The following DPP10 variants were observed in gnomAD, a reference collection of about 807,000 sequenced individuals.
The protein encoded by DPP10 is dipeptidyl peptidase like 10.
DPP10 carries 33 observed loss-of-function variants against 120.9 expected under a neutral mutation model. That is an observed-to-expected ratio of 0.27 (90% confidence interval 0.21 to 0.37). DPP10 has a LOEUF of 0.37. DPP10 is among the 10% of genes least tolerant of loss of function. DPP10 has a pLI of 1.00. For missense variants in DPP10, 816 were observed against 942.8 expected, an observed-to-expected ratio of 0.87 and a Z score of 1.76; for synonymous variants, 337 against 326.1, an observed-to-expected ratio of 1.03 and a Z score of -0.36.
intron 3 of DPP10, among the ~76,000 whole-genome samples, chr2:115,394,637 C>A (rs2067553440): frequency 6.6e-6 from 1 of 151,982 alleles, no homozygotes; most frequent in Non-Finnish European, 1.5e-5. Flanking sequence ...ATCAAAATAG[C>A]CCATATCAGA....
chr2:115,742,625 A>C (rs2149702632), intron 9 of DPP10, among the ~76,000 whole-genome samples: 1 of 152,218 alleles, frequency 6.6e-6, no homozygotes, highest in South Asian at 2.1e-4. Context: ...AACAAATTTC[A>C]GTATCATTTT....
intron 1 of DPP10, among the ~76,000 whole-genome samples, chr2:114,855,954 A>AG (rs1174833878): frequency 6.6e-6 from 1 of 151,908 alleles, no homozygotes; most frequent in Non-Finnish European, 1.5e-5. Flanking sequence ...AGGCTAAAAA[A>AG]AAAAAGCCAC....
At chr2:115,670,586 G>A (rs1466058893) in intron 5 of DPP10, among the ~76,000 whole-genome samples, 1 of 152,104 alleles carries the variant, frequency 6.6e-6, no homozygotes, top group African/African-American at 2.4e-5. Flanking sequence ...ACTACGTTTA[G>A]AATCTTCTTT....
intron 1 of DPP10, among the ~76,000 whole-genome samples, chr2:114,890,658 C>T (rs1329679834): frequency 2.6e-5 from 4 of 152,180 alleles, no homozygotes; most frequent in Non-Finnish European, 4.4e-5. Context: ...ATTCCTGAAG[C>T]ATGTATTGAA....
chr2:115,363,789 G>C (rs1393899336), intron 3 of DPP10, among the ~76,000 whole-genome samples: 1 of 152,062 alleles, frequency 6.6e-6, no homozygotes, highest in Non-Finnish European at 1.5e-5. Context: ...GTATTTCTGG[G>C]CATTAGTTTT....
intron 2 of DPP10, among the ~76,000 whole-genome samples, chr2:115,336,801 A>G (rs1475391363): frequency 1.3e-5 from 2 of 152,038 alleles, no homozygotes; most frequent in Non-Finnish European, 2.9e-5. Context: ...ATTTTGAAAG[A>G]GTGTCTCAAA....
chr2:114,813,619 G>A (rs1432579154), intron 1 of DPP10, among the ~76,000 whole-genome samples: 1 of 152,110 alleles, frequency 6.6e-6, no homozygotes, highest in Non-Finnish European at 1.5e-5. Flanking sequence ...GAGTCTTTGT[G>A]AGAGGCACAG....
At chr2:115,301,430 C>T (rs1221403436) in intron 1 of DPP10, among the ~76,000 whole-genome samples, 2 of 151,222 alleles carry the variant, frequency 1.3e-5, no homozygotes, top group East Asian at 2.0e-4. Context: ...CCACTGCCCT[C>T]CTTCCTTCCT....
chr2:115,406,345 C>CT (rs754254904), intron 3 of DPP10, among the ~76,000 whole-genome samples: 13 of 152,318 alleles, frequency 8.5e-5, no homozygotes, highest in South Asian at 2.1e-4. Context: ...GAACCAATCT[C>CT]TAAGAAGTTT....
rs181854684 is a variant in DPP10 at position 115,641,566 on chromosome 2, C to T, written c.442-48121C>T. Among the ~76,000 whole-genome samples the T allele has an allele frequency of 3.7e-4, 57 of 152,192 alleles. 1 individual carries two copies. Among genetic ancestry groups the T allele is most frequent in the Admixed American group, 1.4e-3 (21 of 15,272 alleles). The stretch of plus-strand genomic sequence containing the variant: ...GTATCCTGTTTAGTCTTTTTATTAC[C>T]GTACTTATCACTGTCTGAAGTTATC... On this transcript the variant is annotated intron_variant, in intron 5 of 25. Transcript: ENST00000410059.
At chr2:114,975,700 G>A (rs1699710525) in intron 1 of DPP10, among the ~76,000 whole-genome samples, 1 of 151,938 alleles carries the variant, frequency 6.6e-6, no homozygotes, top group Non-Finnish European at 1.5e-5. Context: ...ACACAGGCTG[G>A]AGTGCAGTGG....
chr2:114,993,804 C>T (rs1050904921), intron 1 of DPP10, among the ~76,000 whole-genome samples: 4 of 151,916 alleles, frequency 2.6e-5, no homozygotes, highest in African/African-American at 7.2e-5. Context: ...TGTGTGCACA[C>T]GAGTCTACAT....
chr2:115,187,171 C>G (rs7591090), intron 1 of DPP10, among the ~76,000 whole-genome samples: 30,537 of 147,274 alleles, frequency 0.21, 3,801 homozygotes, highest in East Asian at 0.38. Flanking sequence ...TGAGTAGCTG[C>G]GACTACAGGC....
chr2:115,340,348 T>C (rs17822987), intron 2 of DPP10, among the ~76,000 whole-genome samples: 9,006 of 152,058 alleles, frequency 0.059, 360 homozygotes, highest in Middle Eastern at 0.096. Flanking sequence ...CTAAATTCAA[T>C]TGGAAGGGCA....
At chr2:115,361,359 G>A (rs1409042242) in intron 3 of DPP10, among the ~76,000 whole-genome samples, 1 of 152,142 alleles carries the variant, frequency 6.6e-6, no homozygotes, top group Non-Finnish European at 1.5e-5. Context: ...GGAGGGCAAA[G>A]CAATTCCAGA....
At chr2:115,060,129 G>A (rs1706281365) in intron 1 of DPP10, among the ~76,000 whole-genome samples, 2 of 151,446 alleles carry the variant, frequency 1.3e-5, no homozygotes, top group African/African-American at 4.9e-5. Flanking sequence ...TTAGTGCAGT[G>A]CCAGGCACTT....
chr2:115,242,797 G>A (rs2058350182), intron 1 of DPP10, among the ~76,000 whole-genome samples: 8 of 151,448 alleles, frequency 5.3e-5, no homozygotes. Flanking sequence ...TGAAAACATA[G>A]CTTAGCTCCC....
chr2:115,180,129 A>T (rs979835707), intron 1 of DPP10, among the ~76,000 whole-genome samples: 5 of 152,166 alleles, frequency 3.3e-5, no homozygotes, highest in African/African-American at 1.2e-4. Flanking sequence ...AAGCTGCTGA[A>T]TGGAAAGTGG....
intron 1 of DPP10, among the ~76,000 whole-genome samples, chr2:114,652,988 A>AAGAGAG (rs138466082): frequency 0.013 from 1,694 of 135,448 alleles, 38 homozygotes; most frequent in African/African-American, 0.046. Context: ...CTCTCATTGG[A>AAGAGAG]AGAGAGAGAG....
Sources: gnomAD v4.1 joint callset for allele counts (sites outside exome capture counted in the v4.1 genomes callset) on GRCh38, gnomAD v4.1.1 for gene constraint, MANE v1.5 for transcripts, NCBI Gene and HGNC (gene_info 2026-07-23, HGNC 2026-07-21) for gene names.